Variants in BIN1 observed in about 807,000 individuals in gnomAD.
BIN1 encodes bridging integrator 1.
Under a neutral mutation model 82.0 loss-of-function variants are expected in BIN1, and 53 were observed. The ratio of observed to expected loss-of-function variants is 0.65; its 90% CI spans 0.52 to 0.81. The LOEUF (loss-of-function observed/expected upper bound fraction) is 0.81, where lower values mean the gene tolerates loss of function less well. Ranked by LOEUF, BIN1 falls within the 40% of genes least tolerant of loss-of-function variation. BIN1 has a pLI of 0.00. For missense variants in BIN1, 642 were observed against 784.4 expected, an observed-to-expected ratio of 0.82 and a Z score of 2.17; for synonymous variants, 302 against 328.0, an observed-to-expected ratio of 0.92 and a Z score of 0.86.
chr2:127,079,130 C>G (rs1056828143), intron 1 of BIN1, among the ~76,000 whole-genome samples: 2 of 152,238 alleles, frequency 1.3e-5, no homozygotes, highest in Non-Finnish European at 2.9e-5. Context: ...GACACACACT[C>G]GACCCAGTTC....
At chr2:127,060,763 C>T (rs1684344691) in intron 10 of BIN1, 39 of 1,307,654 alleles carry the variant, frequency 3.0e-5, no homozygotes, top group Non-Finnish European at 4.0e-5. Context: ...AAAGCCTCTC[C>T]TAAGTGCCAG....
intron 1 of BIN1, among the ~76,000 whole-genome samples, chr2:127,087,557 G>C (rs561002691): frequency 6.6e-6 from 1 of 152,366 alleles, no homozygotes; most frequent in African/African-American, 2.4e-5. Flanking sequence ...GCAGGGGCCA[G>C]AGTCAGGCTG....
chr2:127,106,543 G>T (rs917267128), intron 1 of BIN1, among the ~76,000 whole-genome samples: 2 of 152,194 alleles, frequency 1.3e-5, no homozygotes, highest in Non-Finnish European at 2.9e-5. Context: ...AAGCGGGGTA[G>T]CCTGGAGCGC....
rs1221094729 is a variant in BIN1, at chr2:127,057,904, C to A, written c.1003-303G>T. 6.6e-6 allele frequency among the ~76,000 whole-genome samples: 1 copy of A among 152,040 alleles called. No homozygotes were observed. The highest frequency in any genetic ancestry group is 1.5e-5 in the Non-Finnish European group (1 of 67,982). ...AAGGAGAGCGAAGAAGAGAAGAGGC[C>A]CCAGGCTGCCCACTGGCCAACTGTG... On this transcript the variant is annotated intron_variant, in intron 11 of 18. Coordinates refer to ENST00000316724, the MANE Select transcript of BIN1 (RefSeq NM_139343.3). This position sits in a 1 kb window ranked among gnomAD's most constrained non-coding sequence, Gnocchi z 5.0.
At chr2:127,055,946 T>C (rs989784305) in intron 12 of BIN1, 1 of 151,446 alleles carries the variant, frequency 6.6e-6, no homozygotes, top group African/African-American at 2.4e-5. Flanking sequence ...GCACACGCGG[T>C]GGCCAGGGAG....
chr2:127,090,477 T>C lies in BIN1; in HGVS notation c.85-13771A>G, dbSNP rs1183267048. On this transcript the variant is annotated intron_variant, in intron 1 of 18. Coordinates refer to ENST00000316724, the MANE Select transcript of BIN1 (RefSeq NM_139343.3). The surrounding 1 kb of genome is among the most constrained non-coding windows in gnomAD (Gnocchi z 6.4). ...GTCTCCACAGGCACGCACCCCACCC[T>C]TGGCCCCAGCCCTCCGCCCATCTGT... Among the ~76,000 whole-genome samples, 2 of 152,228 alleles carry C rather than the reference T, an allele frequency of 1.3e-5. No individual in the cohort carries two copies. The highest frequency in any genetic ancestry group is 1.3e-4 in the Admixed American group (2 of 15,290).
At chr2:127,097,503 G>A (rs1679759297) in intron 1 of BIN1, among the ~76,000 whole-genome samples, 1 of 152,132 alleles carries the variant, frequency 6.6e-6, no homozygotes, top group Admixed American at 6.5e-5. Flanking sequence ...GCAGGTACAG[G>A]ATGTTTTCCA....
intron 12 of BIN1, chr2:127,056,381 G>T (rs76606749): frequency 0.051 from 7,837 of 152,612 alleles, 309 homozygotes; most frequent in Non-Finnish European, 0.076. Context: ...CTGAACTAGG[G>T]CGTCACCCAC....
chr2:127,089,399 T>A (rs1267703204), intron 1 of BIN1, among the ~76,000 whole-genome samples: 1 of 152,168 alleles, frequency 6.6e-6, no homozygotes, highest in Non-Finnish European at 1.5e-5. Flanking sequence ...GCAGGGTGCC[T>A]GTTCAGAAGC....
Position 127,057,813 on chromosome 2 carries a change from C to A in BIN1, c.1003-212G>T, listed in dbSNP as rs116250503. On this transcript the variant is annotated intron_variant, in intron 11 of 18. Coordinates refer to ENST00000316724, the MANE Select transcript of BIN1 (RefSeq NM_139343.3). The surrounding 1 kb of genome is among the most constrained non-coding windows in gnomAD (Gnocchi z 5.0). ...CCCCAGGCCACCCCCGAGAGGGACACTGAGGCAGGCGGTCCAGAAACGCTG... is the reference window on the plus strand; with the variant it reads ...CCCCAGGCCACCCCCGAGAGGGACAATGAGGCAGGCGGTCCAGAAACGCTG... 0.014 allele frequency among the ~76,000 whole-genome samples: 2,113 copies of A among 151,890 alleles called. 47 individuals carry two copies. Among genetic ancestry groups the A allele is most frequent in the African/African-American group, 0.048 (1,968 of 41,338 alleles).
At chr2:127,052,524 T>C in intron 14 of BIN1, 162 bp from the exon 15 acceptor site, 1 of 641,648 alleles carries the variant, frequency 1.6e-6, no homozygotes, top group Non-Finnish European at 2.8e-6. Context: ...GCCTCCCACA[T>C]CCTCTCTCCT....
chr2:127,087,534 G>A lies in BIN1; in HGVS notation c.85-10828C>T, dbSNP rs762670387. Reference sequence around the variant, plus strand: ...GGGAGCCCCGAGCAGAGCACACAGCGTGAGTGGAGGCAGCAGGGGCCAGAG... The same window carrying A: ...GGGAGCCCCGAGCAGAGCACACAGCATGAGTGGAGGCAGCAGGGGCCAGAG... On this transcript the variant is annotated intron_variant, in intron 1 of 18. Coordinates refer to ENST00000316724, the MANE Select transcript of BIN1 (RefSeq NM_139343.3). 3.3e-5 allele frequency among the ~76,000 whole-genome samples: 5 copies of A among 152,230 alleles called. No individual in the cohort carries two copies. In the South Asian group the frequency reaches 6.2e-4, roughly 19 times the overall value.
At chr2:127,077,079 C>G (rs13433081) in intron 1 of BIN1, among the ~76,000 whole-genome samples, 1 of 152,014 alleles carries the variant, frequency 6.6e-6, no homozygotes, top group Admixed American at 6.5e-5. Context: ...AAGTGAGCCA[C>G]GCAGGGGAGG....
At chr2:127,100,560 C>T (rs12618318) in intron 1 of BIN1, among the ~76,000 whole-genome samples, 5,553 of 152,272 alleles carry the variant, frequency 0.036, 251 homozygotes, top group East Asian at 0.19. Context: ...GTGGATGGGA[C>T]GTATAATACT....
At position 127,107,034 on chromosome 2, in the gene BIN1, T is replaced by G; in HGVS notation, c.-91A>C. On this transcript the variant is annotated 5_prime_UTR_variant, in exon 1 of 19. Coordinates refer to ENST00000316724, the MANE Select transcript of BIN1 (RefSeq NM_139343.3). This position sits in a 1 kb window ranked among gnomAD's most constrained non-coding sequence, Gnocchi z 5.9. ...CCCAGCCCCCAGCCCCGGCCGCGCG[T>G]CCAGACCGGCTGCCGCTCCACGCCG... is the stretch of plus-strand genomic sequence containing the variant. 1.5e-6 allele frequency: 2 copies of G among 1,290,814 alleles called. No individual in the cohort carries two copies. Among genetic ancestry groups the G allele is most frequent in the Non-Finnish European group, 2.0e-6 (2 of 998,152 alleles). 80.0% of individuals were successfully genotyped at this position (1,290,814 alleles called of 1,614,324 possible).
intron 1 of BIN1, among the ~76,000 whole-genome samples, chr2:127,077,013 C>T (rs1213592168): frequency 4.6e-5 from 7 of 152,178 alleles, no homozygotes; most frequent in Middle Eastern, 3.2e-3. Context: ...CGGGCACCCT[C>T]CTAGCTGATC....
At chr2:127,054,302 C>A (rs1573552111) in intron 12 of BIN1, 2 of 449,236 alleles carry the variant, frequency 4.5e-6, no homozygotes, top group African/African-American at 2.0e-5. Context: ...GTCATAGGTC[C>A]GCCCGTGGCC....
chr2:127,058,751 G>A (rs1684035776), intron 11 of BIN1, among the ~76,000 whole-genome samples: 1 of 152,086 alleles, frequency 6.6e-6, no homozygotes, highest in African/African-American at 2.4e-5. Context: ...AAAAGACCAG[G>A]GAGAGGGAAG....
intron 9 of BIN1, 45 bp downstream of exon 9, chr2:127,063,526 G>T: frequency 6.3e-7 from 1 of 1,590,776 alleles, no homozygotes; most frequent in East Asian, 2.2e-5. Context: ...TCTGACCCTC[G>T]GCCAGGGTGG....
Sources: gnomAD v4.1 joint callset for allele counts (sites outside exome capture counted in the v4.1 genomes callset) on GRCh38, gnomAD v4.1.1 for gene constraint, Gnocchi (gnomAD v3.1) non-coding constraint, MANE v1.5 for transcripts, NCBI Gene and HGNC (gene_info 2026-07-23, HGNC 2026-07-21) for gene names.